The following SEZ6L variants were observed in gnomAD, a reference collection of about 807,000 sequenced individuals.
SEZ6L encodes the protein seizure related 6 homolog like.
In SEZ6L, 37 loss-of-function variants were observed where a neutral mutation model predicts 106.2. The ratio of observed to expected loss-of-function variants is 0.35; its 90% CI spans 0.27 to 0.46. SEZ6L has a LOEUF of 0.46. Ranked by LOEUF, SEZ6L falls within the 20% of genes least tolerant of loss-of-function variation. The pLI is 1.00. For synonymous variants in SEZ6L, 541 were observed against 570.4 expected, an observed-to-expected ratio of 0.95 and a Z score of 0.73; for missense variants, 1,172 against 1,332.8, an observed-to-expected ratio of 0.88 and a Z score of 1.88.
At chr22:26,181,509 T>C (rs568590783) in intron 1 of SEZ6L, among the ~76,000 whole-genome samples, 1 of 152,382 alleles carries the variant, frequency 6.6e-6, no homozygotes, top group Admixed American at 6.5e-5. Context: ...TTAATTTGCA[T>C]ACTTTAACTT....
intron 1 of SEZ6L, among the ~76,000 whole-genome samples, chr22:26,189,849 G>A (rs1174614544): frequency 6.6e-6 from 1 of 152,134 alleles, no homozygotes; most frequent in African/African-American, 2.4e-5. Context: ...GGTAATCCCA[G>A]CACTTTGGGA....
intron 9 of SEZ6L, among the ~76,000 whole-genome samples, chr22:26,330,310 T>G (rs1569465905): frequency 6.6e-6 from 1 of 152,200 alleles, no homozygotes; most frequent in Non-Finnish European, 1.5e-5. Flanking sequence ...GCACCTCAGT[T>G]GGCTTATCTG....
In SEZ6L at chr22:26,382,676, A is replaced by T. The variant is rs1046003995; in HGVS notation, c.*2381A>T. The stretch of plus-strand genomic sequence containing the variant: ...AACAATGTACAGTGTGATTGAAAAG[A>T]CAGGTTGGTGTCTATTTTTCTTTTT... On this transcript the variant is annotated 3_prime_UTR_variant, in exon 17 of 17. Coordinates refer to ENST00000248933, the MANE Select transcript of SEZ6L (RefSeq NM_021115.5). 1.1e-4 allele frequency: 17 copies of T among 152,200 alleles called. No homozygotes were observed. The highest frequency in any genetic ancestry group is 4.1e-4 in the African/African-American group (17 of 41,446). 9.4% of individuals were successfully genotyped at this position (152,200 alleles called of 1,614,324 possible).
At chr22:26,335,917 C>T (rs140848405) in intron 9 of SEZ6L, among the ~76,000 whole-genome samples, 2 of 152,268 alleles carry the variant, frequency 1.3e-5, no homozygotes, top group East Asian at 3.9e-4. Flanking sequence ...GAGGGTGATA[C>T]ACATTCGACC....
chr22:26,282,571 G>A (rs1412674747), intron 1 of SEZ6L, among the ~76,000 whole-genome samples: 1 of 152,126 alleles, frequency 6.6e-6, no homozygotes, highest in Admixed American at 6.5e-5. Context: ...AGGCTCCCTG[G>A]ATGCTCTTGA....
At chr22:26,315,789 A>G (rs1290298412) in intron 9 of SEZ6L, among the ~76,000 whole-genome samples, 1 of 151,882 alleles carries the variant, frequency 6.6e-6, no homozygotes, top group Non-Finnish European at 1.5e-5. Context: ...TGGGCACGGT[A>G]GCTCACACCT....
At chr22:26,357,498 C>T (rs7288092) in intron 12 of SEZ6L, among the ~76,000 whole-genome samples, 11,837 of 152,158 alleles carry the variant, frequency 0.078, 1,621 homozygotes, top group African/African-American at 0.27. Context: ...TTTCCTAGGC[C>T]GGGTTGTGTT....
intron 1 of SEZ6L, among the ~76,000 whole-genome samples, chr22:26,241,615 C>G (rs570481434): frequency 6.6e-6 from 1 of 152,174 alleles, no homozygotes; most frequent in South Asian, 2.1e-4. Flanking sequence ...CAGAGGCAAT[C>G]CTGCTTTTTA....
intron 1 of SEZ6L, among the ~76,000 whole-genome samples, chr22:26,251,958 C>T (rs2079607889): frequency 6.6e-6 from 1 of 152,180 alleles, no homozygotes; most frequent in African/African-American, 2.4e-5. Context: ...CACCCCCACC[C>T]CACCCCTATT....
At chr22:26,292,140 GAAA>G (rs1420067200) in intron 1 of SEZ6L, 76 of 387,650 alleles carry the variant, frequency 2.0e-4, no homozygotes, top group Non-Finnish European at 1.2e-4. Context: ...AGGAAAGAAA[GAAA>G]GAAAGGAAGG....
In SEZ6L at chr22:26,382,103, T is replaced by C; in HGVS notation, c.*1808T>C. The C allele has an allele frequency of 3.9e-6, 2 of 512,888 alleles. No homozygotes were observed. The highest frequency in any genetic ancestry group is 2.8e-5 in the South Asian group (2 of 71,018). 31.8% of individuals were successfully genotyped at this position (512,888 alleles called of 1,614,324 possible). Reference sequence around the variant, plus strand: ...CTGCCAGAAAAGAATCTTGCACATATACTCCTGAAGGCATGAGTGTGTGGT... The same window carrying C: ...CTGCCAGAAAAGAATCTTGCACATACACTCCTGAAGGCATGAGTGTGTGGT... On this transcript the variant is annotated 3_prime_UTR_variant, in exon 17 of 17. Coordinates refer to ENST00000248933, the MANE Select transcript of SEZ6L (RefSeq NM_021115.5).
At chr22:26,178,498 G>A (rs1485473490) in intron 1 of SEZ6L, among the ~76,000 whole-genome samples, 1 of 152,198 alleles carries the variant, frequency 6.6e-6, no homozygotes. Context: ...GGAGCAAGTA[G>A]TAGGGACTGG....
chr22:26,192,439 A>G (rs1006721763), intron 1 of SEZ6L, among the ~76,000 whole-genome samples: 1 of 152,210 alleles, frequency 6.6e-6, no homozygotes, highest in African/African-American at 2.4e-5. Flanking sequence ...CTCTCAATTT[A>G]CATATACCTG....
At position 26,292,429 on chromosome 22, in the gene SEZ6L, A is replaced by C. The variant is rs770575674; in HGVS notation, c.118A>C (p.Ser40Arg). Residue 40 changes from serine to arginine, a missense_variant, in exon 2 of 17, where the codon AGC (serine) becomes CGC (arginine). Ser to Arg is a moderately radical substitution (Grantham distance 110, BLOSUM62 -1). This residue lies in a region of SEZ6L where 494 missense variants were observed against 445.8 expected (regional missense o/e 1.11). Transcript: ENST00000248933. ...ERDALPEGDA[S>R]PLGPYLLPSG... ...AGATGCTCTTCCCGAGGGAGATGCT[A>C]GCCCTTTGGGTCCTTACCTCCTGCC... The C allele has an allele frequency of 2.5e-6, 4 of 1,613,386 alleles. No individual in the cohort carries two copies. The highest frequency in any genetic ancestry group is 2.5e-6 in the Non-Finnish European group (3 of 1,179,686).
At chr22:26,266,307 T>A (rs1387056071) in intron 1 of SEZ6L, among the ~76,000 whole-genome samples, 2 of 150,848 alleles carry the variant, frequency 1.3e-5, no homozygotes, top group East Asian at 3.9e-4. Context: ...ACGCCTGTAA[T>A]CCCAGCACTT....
At chr22:26,369,354 T>TTTTTTTTTTTTTTTTTTTA (rs1568952186) in intron 13 of SEZ6L, among the ~76,000 whole-genome samples, 1 of 118,654 alleles carries the variant, frequency 8.4e-6, no homozygotes, top group African/African-American at 3.3e-5. Context: ...TTGTTTTTTT[T>TTTTTTTTTTTTTTTTTTTA]TTTGAGACAG....
At chr22:26,304,154 C>A (rs542172757) in intron 5 of SEZ6L, among the ~76,000 whole-genome samples, 1 of 152,002 alleles carries the variant, frequency 6.6e-6, no homozygotes, top group South Asian at 2.1e-4. Flanking sequence ...GAGTTCGAGA[C>A]CAGCCTGGCC....
chr22:26,326,948 A>C (rs1004028613), intron 9 of SEZ6L, among the ~76,000 whole-genome samples: 2 of 152,174 alleles, frequency 1.3e-5, no homozygotes, highest in Admixed American at 1.3e-4. Flanking sequence ...TTCTTGGAGG[A>C]GTTCCCACGC....
intron 11 of SEZ6L, 38 bp from the exon 12 acceptor site, chr22:26,351,014 G>C: frequency 6.3e-7 from 1 of 1,580,014 alleles, no homozygotes; most frequent in Non-Finnish European, 8.6e-7. Context: ...GTCATCCAGA[G>C]GTCTGACGTC....
Sources: allele counts gnomAD v4.1 joint callset (sites outside exome capture counted in the v4.1 genomes callset), GRCh38; gene constraint gnomAD v4.1.1; regional missense constraint gnomAD v4.1.1; transcripts MANE v1.5; gene names NCBI Gene and HGNC (gene_info 2026-07-23, HGNC 2026-07-21).